Variants in CALN1 observed in about 807,000 individuals in gnomAD.
CALN1 encodes calcium-binding protein 8.
Under a neutral mutation model 30.6 loss-of-function variants are expected in CALN1, and 17 were observed. That is an observed-to-expected ratio of 0.56 (90% CI 0.38 to 0.83). CALN1 has a LOEUF of 0.83. Ranked by LOEUF, CALN1 falls within the 40% of genes least tolerant of loss-of-function variation. CALN1 has a pLI of 0.00. For synonymous variants in CALN1, 156 were observed against 131.4 expected, an observed-to-expected ratio of 1.19 and a Z score of -1.28; for missense variants, 291 against 354.9, an observed-to-expected ratio of 0.82 and a Z score of 1.45.
chr7:72,193,426 G>A (rs1724432587), intron 3 of CALN1, among the ~76,000 whole-genome samples: 1 of 152,084 alleles, frequency 6.6e-6, no homozygotes, highest in Non-Finnish European at 1.5e-5. Context: ...GAATTCACTA[G>A]GGAACCCATC....
chr7:71,955,589 C>G (rs910083380), intron 5 of CALN1, among the ~76,000 whole-genome samples: 1 of 151,956 alleles, frequency 6.6e-6, no homozygotes. Flanking sequence ...GAACGCTTTC[C>G]CCACTGGTCT....
intron 5 of CALN1, among the ~76,000 whole-genome samples, chr7:71,993,070 C>G (rs1562961884): frequency 6.6e-6 from 1 of 152,076 alleles, no homozygotes; most frequent in Non-Finnish European, 1.5e-5. Flanking sequence ...CACCCCCACC[C>G]CATTCCAAAT....
At chr7:71,792,338 C>T (rs1197579215) in intron 6 of CALN1, among the ~76,000 whole-genome samples, 1 of 152,082 alleles carries the variant, frequency 6.6e-6, no homozygotes, top group Non-Finnish European at 1.5e-5. Context: ...CAGTATGATA[C>T]TTGTGAATTA....
chr7:72,052,143 G>A (rs952963277), intron 4 of CALN1, among the ~76,000 whole-genome samples: 4 of 152,122 alleles, frequency 2.6e-5, no homozygotes, highest in Admixed American at 2.0e-4. Flanking sequence ...TGACTCCATC[G>A]TAATTCTGGG....
intron 5 of CALN1, among the ~76,000 whole-genome samples, chr7:71,969,474 T>C (rs1797690794): frequency 6.6e-6 from 1 of 152,178 alleles, no homozygotes; most frequent in Non-Finnish European, 1.5e-5. Flanking sequence ...CATACATACA[T>C]AAATAAATCA....
At chr7:72,079,943 G>T (rs1175112683) in intron 4 of CALN1, among the ~76,000 whole-genome samples, 4 of 151,764 alleles carry the variant, frequency 2.6e-5, no homozygotes, top group South Asian at 2.1e-4. Context: ...GCTAATTTTT[G>T]TATTTTTAGT....
At chr7:71,907,805 T>C (rs1794221343) in intron 5 of CALN1, among the ~76,000 whole-genome samples, 1 of 152,254 alleles carries the variant, frequency 6.6e-6, no homozygotes, top group South Asian at 2.1e-4. Flanking sequence ...GTATTTGTAA[T>C]GTGCAGAGCA....
At chr7:72,501,948 T>TATATATATATATATATACACAC in the CALN1 span, among the ~76,000 whole-genome samples, 3 of 72,366 alleles carry the variant, frequency 4.1e-5, no homozygotes, top group Admixed American at 1.7e-4. Flanking sequence ...TATATATATA[T>TATATATATATATATATACACAC]ACACACATAT....
At position 72,058,310 on chromosome 7, in the gene CALN1, C is replaced by CTTTTTT. The variant is rs3065011; in HGVS notation, c.389-34547_389-34542dup. On this transcript the variant is annotated intron_variant, in intron 4 of 6. Transcript: ENST00000395275. Reference sequence around the variant, plus strand: ...GCTACAAGCTGCAACAAGCTGGAATCTTTTTTTTTTTTTTTTTTTTTTTTT... The same window carrying CTTTTTT: ...GCTACAAGCTGCAACAAGCTGGAATCTTTTTTTTTTTTTTTTTTTTTTTTTTTTTTT... Among the ~76,000 whole-genome samples the CTTTTTT allele has an allele frequency of 2.5e-3, 175 of 70,776 alleles. 18 individuals carry two copies. The highest frequency in any genetic ancestry group is 6.2e-3 in the African/African-American group (108 of 17,364). The allele number at this position is 70,776 out of a possible 152,430, so 46.4% of individuals were successfully genotyped here.
At chr7:72,320,398 G>C (rs908413028) in intron 2 of CALN1, among the ~76,000 whole-genome samples, 2 of 152,160 alleles carry the variant, frequency 1.3e-5, no homozygotes, top group African/African-American at 4.8e-5. Flanking sequence ...AGGTGCACAT[G>C]CTCCCGGAGT....
rs1412071613 is a variant in CALN1 at position 72,109,224 on chromosome 7, C to T, written c.245-2930G>A. ...ATTCTTTCTGGGAAGAATTGTGGGC[C>T]CCAGCAGAGAGAAGACCACCCTGTG... On this transcript the variant is annotated intron_variant, in intron 3 of 6. Transcript: ENST00000395275. 5.3e-5 allele frequency among the ~76,000 whole-genome samples: 8 copies of T among 152,158 alleles called. No homozygotes were observed. The South Asian group carries it at 1.5e-3, about 28-fold the overall frequency.
intron 5 of CALN1, among the ~76,000 whole-genome samples, chr7:71,847,729 G>GAAGAAAGAAGA (rs1790361783): frequency 8.4e-6 from 1 of 118,390 alleles, no homozygotes; most frequent in East Asian, 2.5e-4. Flanking sequence ...GAAGAAGAAA[G>GAAGAAAGAAGA]AAGAAAGAAG....
Position 72,403,323 on chromosome 7 carries a change from T to A in CALN1, c.47A>T (p.Lys16Ile). ...QPGEGKPENEKKGDGGALGGG... is the reference protein window; with the variant it reads ...QPGEGKPENEIKGDGGALGGG... ...TCCGAGGGCTCCTCCGTCCCCCTTT[T>A]TCTCATTCTCGGGCTTCCCCTCTCC... Residue 16 changes from lysine (K) to isoleucine (I), a missense_variant, in exon 2 of 7, where the codon AAA becomes ATA. Around this residue, in one of 2 missense-constraint regions of CALN1, gnomAD observed 122 missense variants for 103.2 expected, o/e 1.18. Transcript: ENST00000395275. The A allele has an allele frequency of 1.9e-6, 3 of 1,549,942 alleles. No individual in the cohort carries two copies. Among genetic ancestry groups the A allele is most frequent in the Non-Finnish European group, 2.6e-6 (3 of 1,146,950 alleles).
rs927909613 is a variant in CALN1 at position 71,782,125 on chromosome 7, C to T, written c.*5650G>A. 3 of 152,142 alleles carry T rather than the reference C, an allele frequency of 2.0e-5. No individual in the cohort carries two copies. The highest frequency in any genetic ancestry group is 4.4e-5 in the Non-Finnish European group (3 of 68,038). The allele number at this position is 152,142 out of a possible 1,614,324, so 9.4% of individuals were successfully genotyped here. The stretch of plus-strand genomic sequence containing the variant: ...ATTGATCTCATTGCTCCAAACCAAT[C>T]ATAGAGGCTGGATATTTGTTCCCCC... On this transcript the variant is annotated 3_prime_UTR_variant, in exon 7 of 7. Coordinates refer to ENST00000395275, the MANE Select transcript of CALN1 (RefSeq NM_031468.4).
At chr7:71,876,594 T>G (rs1455988711) in intron 5 of CALN1, among the ~76,000 whole-genome samples, 2 of 152,230 alleles carry the variant, frequency 1.3e-5, no homozygotes, top group Non-Finnish European at 2.9e-5. Context: ...TTATTGATTC[T>G]TTGTAATACA....
intron 2 of CALN1, among the ~76,000 whole-genome samples, chr7:72,395,308 T>TG (rs1416522829): frequency 2.6e-5 from 4 of 151,894 alleles, no homozygotes; most frequent in African/African-American, 9.7e-5. Flanking sequence ...ACTTAATAGG[T>TG]GGTTTCCAGG....
At chr7:72,083,318 C>G (rs1805275031) in intron 4 of CALN1, among the ~76,000 whole-genome samples, 2 of 152,044 alleles carry the variant, frequency 1.3e-5, no homozygotes, top group Admixed American at 1.3e-4. Flanking sequence ...ATAAATGTGC[C>G]AAAGATCTCA....
intron 3 of CALN1, among the ~76,000 whole-genome samples, chr7:72,240,600 C>T (rs1316384665): frequency 6.6e-6 from 1 of 152,176 alleles, no homozygotes; most frequent in Non-Finnish European, 1.5e-5. Context: ...TCAACTGCTC[C>T]ACATGATTTG....
intron 5 of CALN1, among the ~76,000 whole-genome samples, chr7:71,866,159 C>T (rs1485874166): frequency 6.6e-6 from 1 of 151,918 alleles, no homozygotes; most frequent in Admixed American, 6.6e-5. Context: ...GCACGTGCCA[C>T]CACACCCGGC....
Sources: allele counts gnomAD v4.1 joint callset (sites outside exome capture counted in the v4.1 genomes callset), GRCh38; gene constraint gnomAD v4.1.1; regional missense constraint gnomAD v4.1.1; transcripts MANE v1.5; gene names NCBI Gene and HGNC (gene_info 2026-07-23, HGNC 2026-07-21).